ATF7IP2: variants seen among roughly 807,000 people sequenced by gnomAD.
ATF7IP2 encodes the protein activating transcription factor 7 interacting protein 2.
In ATF7IP2, 42 loss-of-function variants were observed where a neutral mutation model predicts 64.2. That is an observed-to-expected ratio of 0.65 (90% CI 0.51 to 0.85). The LOEUF (loss-of-function observed/expected upper bound fraction) is 0.85. Ranked by LOEUF, ATF7IP2 falls within the 40% of genes least tolerant of loss-of-function variation. The probability of loss-of-function intolerance (pLI) is 0.00; values close to 1 mark genes in which losing one functional copy is unlikely to be tolerated. For missense variants in ATF7IP2, 933 were observed against 784.2 expected (o/e 1.19, Z -2.27); for synonymous variants, 308 against 272.8 (o/e 1.13, Z -1.27).
At chr16:10,423,732 A>G (rs151159949) in intron 3 of ATF7IP2, among the ~76,000 whole-genome samples, 3 of 152,138 alleles carry the variant, frequency 2.0e-5, no homozygotes, top group East Asian at 3.9e-4. Context: ...GTTACCTCTT[A>G]TGTTACTTCA....
chr16:10,411,370 TTTGTTGTTG>T lies in ATF7IP2; in HGVS notation c.-241-3189_-241-3181del, dbSNP rs3083563. Among the ~76,000 whole-genome samples the T allele has an allele frequency of 2.9e-4, 41 of 141,070 alleles. No individual in the cohort carries two copies. In the South Asian group the frequency reaches 8.4e-3, roughly 29 times the overall value. 92.5% of individuals were successfully genotyped at this position (141,070 alleles called of 152,430 possible). ...CTTTTTGTTTTTTTTTTTTTGGTGT[TTTGTTGTTG>T]TTGTTGTTGTTGTTTTGTTTTGTTT... On this transcript the variant is annotated intron_variant, in intron 1 of 13. Coordinates refer to ENST00000562102, the MANE Select transcript of ATF7IP2 (RefSeq NM_001393719.1).
At chr16:10,402,915 A>C (rs1183387924) in intron 1 of ATF7IP2, among the ~76,000 whole-genome samples, 1 of 152,116 alleles carries the variant, frequency 6.6e-6, no homozygotes, top group Non-Finnish European at 1.5e-5. Context: ...CTCAAAAAAA[A>C]AAAAAAATGT....
chr16:10,451,910 G>T (rs1433141890), intron 8 of ATF7IP2, among the ~76,000 whole-genome samples: 1 of 152,006 alleles, frequency 6.6e-6, no homozygotes, highest in Non-Finnish European at 1.5e-5. Context: ...AAAAGTAGCT[G>T]GGCGTGGTGG....
At chr16:10,396,331 C>A (rs1596424698) in intron 1 of ATF7IP2, among the ~76,000 whole-genome samples, 1 of 152,230 alleles carries the variant, frequency 6.6e-6, no homozygotes, top group Admixed American at 6.5e-5. Flanking sequence ...CATACATTGG[C>A]TCTTCATTCT....
At chr16:10,388,647 G>GT (rs2047256273) in intron 1 of ATF7IP2, among the ~76,000 whole-genome samples, 1 of 152,174 alleles carries the variant, frequency 6.6e-6, no homozygotes, top group Admixed American at 6.5e-5. Flanking sequence ...CCAGAGGTTT[G>GT]TTTTTTAAGT....
chr16:10,387,259 G>C (rs575199422), intron 1 of ATF7IP2: 1 of 152,210 alleles, frequency 6.6e-6, no homozygotes. Context: ...TCTGAATGAA[G>C]GACTAATAAC....
intron 1 of ATF7IP2, among the ~76,000 whole-genome samples, chr16:10,408,950 C>T (rs969835502): frequency 1.3e-5 from 2 of 152,124 alleles, no homozygotes; most frequent in Admixed American, 6.5e-5. Flanking sequence ...ATGCTCGGTT[C>T]GCAAAGTGAA....
intron 8 of ATF7IP2, among the ~76,000 whole-genome samples, chr16:10,441,688 G>C (rs1282543060): frequency 6.6e-6 from 1 of 152,140 alleles, no homozygotes; most frequent in Non-Finnish European, 1.5e-5. Flanking sequence ...CTCCCATTCT[G>C]TAGGTTGCCT....
In ATF7IP2 at chr16:10,480,895, C is replaced by A. The variant is rs372769529; in HGVS notation, c.1566C>A (p.Pro522=). The change falls in exon 13 of 14, where the codon CCC becomes CCA. Residue 522 remains proline, a synonymous_variant. Coordinates refer to ENST00000562102, the MANE Select transcript of ATF7IP2 (RefSeq NM_001393719.1). ...SNCNTESPVS[P]LESHSKAASN... ...TGTTCACAGAAAGTCCAGTATCCCC[C>A]CTGGAGTCACATTCGAAAGCTGCTT... The A allele has an allele frequency of 5.6e-6, 9 of 1,611,216 alleles. No homozygotes were observed. Among genetic ancestry groups the A allele is most frequent in the African/African-American group, 4.0e-5 (3 of 74,768 alleles).
chr16:10,398,997 C>T (rs1281162162), intron 1 of ATF7IP2, among the ~76,000 whole-genome samples: 1 of 152,086 alleles, frequency 6.6e-6, no homozygotes, highest in African/African-American at 2.4e-5. Flanking sequence ...CCTGTAATCC[C>T]AGCTATTCAG....
intron 1 of ATF7IP2, among the ~76,000 whole-genome samples, chr16:10,412,767 G>T (rs1257371587): frequency 6.6e-6 from 1 of 152,146 alleles, no homozygotes; most frequent in Non-Finnish European, 1.5e-5. Context: ...AGTGCTGTCA[G>T]TGGAGTTGAA....
intron 12 of ATF7IP2, among the ~76,000 whole-genome samples, chr16:10,474,610 C>T (rs1283458108): frequency 6.6e-6 from 1 of 152,050 alleles, no homozygotes. Context: ...AAGTGAAATA[C>T]AGTCGTGGGG....
At chr16:10,466,712 A>G (rs1030006564) in intron 9 of ATF7IP2, among the ~76,000 whole-genome samples, 1 of 152,098 alleles carries the variant, frequency 6.6e-6, no homozygotes, top group Non-Finnish European at 1.5e-5. Context: ...TTTATTATAA[A>G]TATCTTTCCT....
At chr16:10,418,858 G>A (rs1232061054) in intron 2 of ATF7IP2, among the ~76,000 whole-genome samples, 4 of 152,110 alleles carry the variant, frequency 2.6e-5, no homozygotes, top group East Asian at 1.9e-4. Flanking sequence ...CTATACTGCC[G>A]TGTTTCCAGA....
rs1276639009 is a variant in ATF7IP2, at chr16:10,430,550, AG to A, written c.-10-60del. ...TATTGTAAATAAATAACTTTAATTC[AG>A]TAGTAAATAACTTTTATTCACTAGA... On this transcript the variant is annotated intron_variant, in intron 4 of 13. Transcript: ENST00000562102. 4 of 923,890 alleles carry A rather than the reference AG, an allele frequency of 4.3e-6. No homozygotes were observed. In the Admixed American group the frequency reaches 1.1e-4, roughly 24 times the overall value. 57.2% of individuals were successfully genotyped at this position (923,890 alleles called of 1,614,324 possible). A position where few individuals can be genotyped will look rare whatever the true frequency, so the allele number is the denominator to read the frequency against.
At chr16:10,414,881 G>C (rs1309732407) in intron 2 of ATF7IP2, among the ~76,000 whole-genome samples, 1 of 151,974 alleles carries the variant, frequency 6.6e-6, no homozygotes, top group African/African-American at 2.4e-5. Flanking sequence ...TGTAGTGATT[G>C]TTATCTCTCT....
chr16:10,429,540 G>A (rs1203117400), intron 4 of ATF7IP2, among the ~76,000 whole-genome samples: 2 of 151,810 alleles, frequency 1.3e-5, no homozygotes, highest in African/African-American at 4.8e-5. Context: ...AATAGAGATG[G>A]CGTTTTGCCC....
chr16:10,434,232 C>T (rs1389883138), intron 6 of ATF7IP2, among the ~76,000 whole-genome samples: 1 of 152,198 alleles, frequency 6.6e-6, no homozygotes, highest in Non-Finnish European at 1.5e-5. Flanking sequence ...GTACTACAGT[C>T]TCAGTATGCG....
chr16:10,468,124 C>A (rs1596603546), intron 9 of ATF7IP2, among the ~76,000 whole-genome samples: 2 of 128,682 alleles, frequency 1.6e-5, no homozygotes, highest in East Asian at 5.1e-4. Flanking sequence ...AGGTGATCCT[C>A]CCACCTCCAC....
Sources: allele counts gnomAD v4.1 joint callset (sites outside exome capture counted in the v4.1 genomes callset), GRCh38; gene constraint gnomAD v4.1.1; transcripts MANE v1.5; gene names NCBI Gene and HGNC (gene_info 2026-07-23, HGNC 2026-07-21).